The following MSN variants were observed in gnomAD, a reference collection of about 807,000 sequenced individuals.
MSN encodes moesin.
In MSN, 2 loss-of-function variants were observed where a neutral mutation model predicts 48.0. The ratio of observed to expected loss-of-function variants is 0.04; its 90% confidence interval spans 0.02 to 0.13. The LOEUF (loss-of-function observed/expected upper bound fraction) is 0.13. Ranked by LOEUF, MSN falls within the 10% of genes least tolerant of loss-of-function variation. The probability of loss-of-function intolerance (pLI) is 1.00; values close to 1 mark genes in which losing one functional copy is unlikely to be tolerated. For synonymous variants in MSN, 146 were observed against 166.9 expected, an observed-to-expected ratio of 0.87 and a Z score of 0.97; for missense variants, 267 against 470.1, an observed-to-expected ratio of 0.57 and a Z score of 3.99.
chrX:65,688,006 G>T (rs1175614756), intron 1 of MSN, among the ~76,000 whole-genome samples: 1 of 111,927 alleles, frequency 8.9e-6, no homozygotes, highest in African/African-American at 3.2e-5. Flanking sequence ...GGGGATAGCT[G>T]CCCATTTTCC....
In MSN at chrX:65,738,733, G is replaced by A. The variant is rs1011719618; in HGVS notation, c.1344+116G>A. ...TCCCTCTTTCATACTTCCCACAGCAGGCAGCATGGGAGAAGGCACTCATGG... is the reference window on the plus strand; with the variant it reads ...TCCCTCTTTCATACTTCCCACAGCAAGCAGCATGGGAGAAGGCACTCATGG... On this transcript the variant is annotated intron_variant, in intron 11 of 12. Transcript: ENST00000360270. 6 of 712,228 alleles carry A rather than the reference G, an allele frequency of 8.4e-6. No individual in the cohort carries two copies. The African/African-American group carries it at 1.3e-4, about 15-fold the overall frequency. 58.7% of individuals were successfully genotyped at this position (712,228 alleles called of 1,213,427 possible). A position where few individuals can be genotyped will look rare whatever the true frequency, so the allele number is the denominator to read the frequency against.
intron 1 of MSN, among the ~76,000 whole-genome samples, chrX:65,629,600 G>C (rs890170740): frequency 1.2e-4 from 13 of 111,843 alleles, no homozygotes; most frequent in African/African-American, 3.9e-4. Context: ...CACATGGCTG[G>C]GGAGGCCTCA....
chrX:65,704,774 T>G (rs1343422335), intron 1 of MSN, among the ~76,000 whole-genome samples: 2 of 107,432 alleles, frequency 1.9e-5, no homozygotes, highest in Non-Finnish European at 3.9e-5. Flanking sequence ...AAGCCAGGTT[T>G]TTTTTTTTTT....
At chrX:65,649,816 G>GAACA (rs1287032498) in intron 1 of MSN, among the ~76,000 whole-genome samples, 2 of 106,515 alleles carry the variant, frequency 1.9e-5, no homozygotes, top group Non-Finnish European at 3.8e-5. Context: ...CCAAAGCAAG[G>GAACA]AACAAATGAG....
upstream of MSN, among the ~76,000 whole-genome samples, chrX:65,665,533 G>A (rs896981478): frequency 3.6e-5 from 4 of 111,908 alleles, no homozygotes; most frequent in Admixed American, 3.8e-4. Context: ...GAGAGAAACC[G>A]AGGCACACTG....
chrX:65,697,605 T>TA (rs1366412476), intron 1 of MSN, among the ~76,000 whole-genome samples: 1 of 112,014 alleles, frequency 8.9e-6, no homozygotes, highest in Middle Eastern at 4.2e-3. Flanking sequence ...TAGGCACATT[T>TA]AAATCAGGGT....
At chrX:65,628,057 G>A (rs2070522690) in intron 1 of MSN, among the ~76,000 whole-genome samples, 1 of 112,576 alleles carries the variant, frequency 8.9e-6, no homozygotes, top group Admixed American at 9.4e-5. Context: ...CCACCCTTGT[G>A]GCTTTGCAGG....
rs2070909457 is a variant in MSN, at chrX:65,669,500, C to T, written c.12+1647C>T. Among the ~76,000 whole-genome samples the T allele has an allele frequency of 3.6e-5, 4 of 111,869 alleles. No individual in the cohort carries two copies. In the South Asian group the frequency reaches 1.5e-3, roughly 42 times the overall value. The stretch of plus-strand genomic sequence containing the variant: ...TTCAAACTTGCATTAACCGTCTCAT[C>T]TGAGTCAAAGTGGCAAAGAAGACAA... On this transcript the variant is annotated intron_variant, in intron 1 of 12. Transcript: ENST00000360270.
chrX:65,622,539 C>T (rs774809915), intron 1 of MSN, among the ~76,000 whole-genome samples: 21 of 70,936 alleles, frequency 3.0e-4, no homozygotes, highest in Non-Finnish European at 3.5e-4. Context: ...TTTTCTGAGA[C>T]GGAGTTTCAC....
At position 65,716,818 on chromosome X, in the gene MSN, A is replaced by T. The variant is rs1311559461; in HGVS notation, c.13A>T (p.Ile5Phe). MPKT[I>F]SVRVTTMDAE... ...CCTGCTTCCTTTGATCTCATCCTAGATCAGTGTGCGTGTGACCACCATGGA... is the reference window on the plus strand; with the variant it reads ...CCTGCTTCCTTTGATCTCATCCTAGTTCAGTGTGCGTGTGACCACCATGGA... Residue 5 changes from isoleucine (I) to phenylalanine (F), a missense_variant and splice_region_variant, in exon 2 of 13, where the codon ATC (isoleucine) becomes TTC (phenylalanine). Transcript: ENST00000360270. 1 of 1,209,112 alleles carries T rather than the reference A, an allele frequency of 8.3e-7. No individual in the cohort carries two copies. Among genetic ancestry groups the T allele is most frequent in the Non-Finnish European group, 1.1e-6 (1 of 893,929 alleles).
intron 1 of MSN, among the ~76,000 whole-genome samples, chrX:65,670,817 C>T (rs1213063289): frequency 1.0e-5 from 1 of 96,437 alleles, no homozygotes; most frequent in Non-Finnish European, 2.1e-5. Context: ...TTCTGGTTGC[C>T]AGTTTCCTGA....
chrX:65,716,566 G>A, intron 1 of MSN: 1 of 416,939 alleles, frequency 2.4e-6, no homozygotes, highest in South Asian at 2.8e-5. Flanking sequence ...ATGAGGCATT[G>A]CACCCGGCCT....
At chrX:65,673,604 G>A (rs7876362) in intron 1 of MSN, among the ~76,000 whole-genome samples, 1,545 of 111,294 alleles carry the variant, frequency 0.014, 34 homozygotes, top group African/African-American at 0.048. Flanking sequence ...ACAGGCATGC[G>A]CCACCATGCC....
intron 8 of MSN, among the ~76,000 whole-genome samples, chrX:65,735,657 G>C (rs753512597): frequency 8.9e-6 from 1 of 112,495 alleles, no homozygotes; most frequent in Non-Finnish European, 1.9e-5. Context: ...AGTCTACTCA[G>C]TCTAGTAGCA....
At chrX:65,675,062 T>G (rs2148386758) in intron 1 of MSN, among the ~76,000 whole-genome samples, 1 of 112,424 alleles carries the variant, frequency 8.9e-6, no homozygotes, top group African/African-American at 3.2e-5. Flanking sequence ...TATGATTATT[T>G]ACTGAATTTT....
chrX:65,736,283 T>C (rs971781752), intron 8 of MSN, among the ~76,000 whole-genome samples: 3 of 110,730 alleles, frequency 2.7e-5, no homozygotes, highest in African/African-American at 9.9e-5. Context: ...AGGGGTACAT[T>C]GACAGGGCCC....
intron 1 of MSN, among the ~76,000 whole-genome samples, chrX:65,609,621 T>C (rs1039264851): frequency 3.6e-5 from 4 of 111,530 alleles, no homozygotes; most frequent in Non-Finnish European, 5.7e-5. Context: ...CGGTGGCTCA[T>C]GTCTGTAATC....
At chrX:65,622,510 GTTTTTTT>G (rs1216557190) in intron 1 of MSN, among the ~76,000 whole-genome samples, 1 of 66,478 alleles carries the variant, frequency 1.5e-5, no homozygotes, top group African/African-American at 4.7e-5. Context: ...AGGCATCTTT[GTTTTTTT>G]TTTTTTTTTT....
At chrX:65,695,060 C>G (rs2071217787) in intron 1 of MSN, among the ~76,000 whole-genome samples, 1 of 109,203 alleles carries the variant, frequency 9.2e-6, no homozygotes, top group East Asian at 2.9e-4. Flanking sequence ...TTCACTTCTT[C>G]TTTGTGTGTG....
Sources: allele counts gnomAD v4.1 joint callset (sites outside exome capture counted in the v4.1 genomes callset), GRCh38; gene constraint gnomAD v4.1.1; transcripts MANE v1.5; gene names NCBI Gene and HGNC (gene_info 2026-07-23, HGNC 2026-07-21).